The following JAZF1 variants were observed in gnomAD, a reference collection of about 807,000 sequenced individuals.
The protein encoded by JAZF1 is juxtaposed with another zinc finger protein 1.
JAZF1 carries 8 observed loss-of-function variants against 26.4 expected under a neutral mutation model. The ratio of observed to expected loss-of-function variants is 0.30; its 90% CI spans 0.18 to 0.55. The LOEUF is 0.55. Among genes scored for constraint, JAZF1 ranks in the 20% least tolerant of loss-of-function variants. JAZF1 has a pLI of 0.94. For synonymous variants in JAZF1, 126 were observed against 122.3 expected (o/e 1.03, Z -0.20); for missense variants, 199 against 322.0 (o/e 0.62, Z 2.92).
intron 1 of JAZF1, among the ~76,000 whole-genome samples, chr7:28,052,887 T>C (rs1261604575): frequency 6.6e-6 from 1 of 152,150 alleles, no homozygotes; most frequent in Non-Finnish European, 1.5e-5. Flanking sequence ...CTTTTAAGTA[T>C]ATAGTTCAGC....
At chr7:27,926,388 A>G (rs1784601217) in intron 2 of JAZF1, among the ~76,000 whole-genome samples, 1 of 152,238 alleles carries the variant, frequency 6.6e-6, no homozygotes, top group Non-Finnish European at 1.5e-5. Context: ...AGAGCCATTC[A>G]GGTCCTGGCT....
chr7:27,983,687 G>A (rs1785635149), intron 2 of JAZF1, among the ~76,000 whole-genome samples: 1 of 152,136 alleles, frequency 6.6e-6, no homozygotes, highest in African/African-American at 2.4e-5. Flanking sequence ...AAAATAATAA[G>A]GGCAGCCAGA....
At chr7:27,951,833 A>G (rs1309069251) in intron 2 of JAZF1, among the ~76,000 whole-genome samples, 1 of 152,194 alleles carries the variant, frequency 6.6e-6, no homozygotes, top group South Asian at 2.1e-4. Flanking sequence ...TTCATAAGCC[A>G]CACTGCTGAC....
At chr7:28,000,234 C>T (rs1214691146) in intron 1 of JAZF1, among the ~76,000 whole-genome samples, 1 of 151,992 alleles carries the variant, frequency 6.6e-6, no homozygotes, top group Non-Finnish European at 1.5e-5. Flanking sequence ...AGCACCCCCC[C>T]GACCCCCCAT....
At chr7:28,049,679 C>T (rs1017887636) in intron 1 of JAZF1, among the ~76,000 whole-genome samples, 1 of 152,154 alleles carries the variant, frequency 6.6e-6, no homozygotes, top group Non-Finnish European at 1.5e-5. Context: ...AGGAAGCTCT[C>T]TTCAGGTTCA....
At chr7:27,845,126 T>A (rs1037392851) in intron 3 of JAZF1, among the ~76,000 whole-genome samples, 1 of 152,194 alleles carries the variant, frequency 6.6e-6, no homozygotes, top group African/African-American at 2.4e-5. Flanking sequence ...TATAAAGTAT[T>A]TCCTCTGTGT....
chr7:28,175,691 A>G (rs900748948), intron 1 of JAZF1, among the ~76,000 whole-genome samples: 3 of 152,194 alleles, frequency 2.0e-5, no homozygotes, highest in Non-Finnish European at 4.4e-5. Context: ...AAACAGAGTC[A>G]ATCGTGTGAG....
At chr7:27,844,985 G>C (rs1256726076) in intron 3 of JAZF1, among the ~76,000 whole-genome samples, 2 of 152,238 alleles carry the variant, frequency 1.3e-5, no homozygotes, top group Non-Finnish European at 2.9e-5. Context: ...AGCCAAAGGA[G>C]AGGTGCCGGG....
rs183451007 is a variant in JAZF1, at chr7:27,893,975, A to G, written c.385+1245T>C. 7.7e-3 allele frequency among the ~76,000 whole-genome samples: 1,168 copies of G among 152,348 alleles called. 5 individuals carry two copies. The highest frequency in any genetic ancestry group is 0.034 in the Middle Eastern group (10 of 294). On this transcript the variant is annotated intron_variant, in intron 3 of 4. Transcript: ENST00000283928. ...CTGGGAAGACATACTAGGAAGCCCA[A>G]TTGTTACAGATCCAAGCTCCATTCT...
intron 3 of JAZF1, among the ~76,000 whole-genome samples, chr7:27,852,147 T>G (rs1431775162): frequency 2.1e-5 from 3 of 145,134 alleles, no homozygotes; most frequent in Non-Finnish European, 4.6e-5. Context: ...TTTTTTTTTC[T>G]TTGAGATGGA....
chr7:28,092,435 T>C (rs1201267626), intron 1 of JAZF1, among the ~76,000 whole-genome samples: 5 of 151,688 alleles, frequency 3.3e-5, no homozygotes, highest in African/African-American at 1.2e-4. Flanking sequence ...TGGACTGAGC[T>C]TTGATGTTAT....
In JAZF1 at chr7:28,045,867, C is replaced by A. The variant is rs565410882; in HGVS notation, c.116-53886G>T. On this transcript the variant is annotated intron_variant, in intron 1 of 4. Coordinates refer to ENST00000283928, the MANE Select transcript of JAZF1 (RefSeq NM_175061.4). ...GGGATTACAGGAATGAGCCACTGTG[C>A]CTGGCCTGTTTTTATTGCTTGTTTA... Among the ~76,000 whole-genome samples, 393 of 152,336 alleles carry A rather than the reference C, an allele frequency of 2.6e-3. 2 individuals carry two copies. Among genetic ancestry groups the A allele is most frequent in the Non-Finnish European group, 4.5e-3 (309 of 68,040 alleles).
chr7:27,871,236 T>G (rs924465219), intron 3 of JAZF1, among the ~76,000 whole-genome samples: 10 of 152,220 alleles, frequency 6.6e-5, no homozygotes, highest in Non-Finnish European at 1.5e-5. Flanking sequence ...AAATCAATCT[T>G]GATCTAGAGA....
intron 1 of JAZF1, among the ~76,000 whole-genome samples, chr7:28,086,921 G>T (rs1385739269): frequency 6.6e-6 from 1 of 152,098 alleles, no homozygotes; most frequent in Admixed American, 6.6e-5. Context: ...TATTATAAGG[G>T]TGATGTACCC....
intron 1 of JAZF1, among the ~76,000 whole-genome samples, chr7:28,079,172 T>C (rs1440140972): frequency 6.6e-6 from 1 of 152,044 alleles, no homozygotes; most frequent in African/African-American, 2.4e-5. Flanking sequence ...AAAATATTTT[T>C]AGTAGAGACA....
At chr7:27,892,623 A>T (rs1783991438) in intron 3 of JAZF1, among the ~76,000 whole-genome samples, 1 of 152,218 alleles carries the variant, frequency 6.6e-6, no homozygotes, top group Non-Finnish European at 1.5e-5. Flanking sequence ...AATACCCAGA[A>T]AAGAGGATTG....
intron 2 of JAZF1, among the ~76,000 whole-genome samples, chr7:27,933,217 A>G (rs1178205384): frequency 6.6e-6 from 1 of 152,232 alleles, no homozygotes; most frequent in Non-Finnish European, 1.5e-5. Flanking sequence ...TTCAATCTAT[A>G]TTCTAAATGG....
At chr7:28,039,851 CA>C (rs1192102144) in intron 1 of JAZF1, among the ~76,000 whole-genome samples, 1 of 152,154 alleles carries the variant, frequency 6.6e-6, no homozygotes, top group East Asian at 1.9e-4. Context: ...GAAAGGGTGG[CA>C]GTTTTAACTT....
At chr7:27,928,711 C>T (rs555858389) in intron 2 of JAZF1, among the ~76,000 whole-genome samples, 1 of 152,192 alleles carries the variant, frequency 6.6e-6, no homozygotes, top group South Asian at 2.1e-4. Flanking sequence ...ACTGCGTGTT[C>T]TCACTCATAA....
Sources: gnomAD v4.1 joint callset for allele counts (sites outside exome capture counted in the v4.1 genomes callset) on GRCh38, gnomAD v4.1.1 for gene constraint, MANE v1.5 for transcripts, NCBI Gene and HGNC (gene_info 2026-07-23, HGNC 2026-07-21) for gene names.